The following CCND1 variants were observed in gnomAD, a reference collection of about 807,000 sequenced individuals.
The protein encoded by CCND1 is cyclin D1.
In CCND1, 9 loss-of-function variants were observed where a neutral mutation model predicts 26.1. The ratio of observed to expected loss-of-function variants is 0.35; its 90% CI spans 0.21 to 0.60. The LOEUF (loss-of-function observed/expected upper bound fraction) is 0.60, where lower values mean the gene tolerates loss of function less well. Ranked by LOEUF, CCND1 falls within the 20% of genes least tolerant of loss-of-function variation. CCND1 has a pLI of 0.79. For synonymous variants in CCND1, 194 were observed against 166.1 expected (o/e 1.17, Z -1.29); for missense variants, 335 against 392.9 (o/e 0.85, Z 1.25).
rs1220717747 is a variant in CCND1 at position 69,653,614 on chromosome 11, CG to C, written c.*2333del. The C allele has an allele frequency of 2.1e-6, 1 of 469,876 alleles. No homozygotes were observed. Among genetic ancestry groups the C allele is most frequent in the African/African-American group, 2.0e-5 (1 of 49,436 alleles). 29.1% of individuals were successfully genotyped at this position (469,876 alleles called of 1,614,324 possible). A position where few individuals can be genotyped will look rare whatever the true frequency, so the allele number is the denominator to read the frequency against. Reference sequence around the variant, plus strand: ...CGGGGGCCGGCCCCGAGGCCGCGTGCGTGAGAACCGCGCCGGTGTCCCCAGA... The same window carrying C: ...CGGGGGCCGGCCCCGAGGCCGCGTGCTGAGAACCGCGCCGGTGTCCCCAGA... On this transcript the variant is annotated 3_prime_UTR_variant, in exon 5 of 5. Coordinates refer to ENST00000227507, the MANE Select transcript of CCND1 (RefSeq NM_053056.3).
At position 69,651,326 on chromosome 11, in the gene CCND1, G is replaced by A. The variant is rs1047369285; in HGVS notation, c.*44G>A. On this transcript the variant is annotated 3_prime_UTR_variant, in exon 5 of 5. Transcript: ENST00000227507. ...CGCCACCGCCACCCGCAGCGAGGGCGGAGCCGGCCCCAGGTGCTCCCCTGA... is the reference window on the plus strand; with the variant it reads ...CGCCACCGCCACCCGCAGCGAGGGCAGAGCCGGCCCCAGGTGCTCCCCTGA... 5.8e-5 allele frequency: 82 copies of A among 1,413,268 alleles called. No homozygotes were observed. The highest frequency in any genetic ancestry group is 6.8e-5 in the Non-Finnish European group (73 of 1,078,984). 87.5% of individuals were successfully genotyped at this position (1,413,268 alleles called of 1,614,324 possible). A position where few individuals can be genotyped will look rare whatever the true frequency, so the allele number is the denominator to read the frequency against.
intron 3 of CCND1, 65 bp from the exon 4 acceptor site, chr11:69,647,929 G>A (rs959687406): frequency 1.3e-5 from 20 of 1,583,760 alleles, no homozygotes; most frequent in African/African-American, 2.7e-5. Flanking sequence ...AGGGATGCCC[G>A]GATCACGGGG....
At chr11:69,644,547 C>T (rs576978470) in intron 3 of CCND1, among the ~76,000 whole-genome samples, 4 of 152,290 alleles carry the variant, frequency 2.6e-5, no homozygotes, top group African/African-American at 9.6e-5. Flanking sequence ...CCAGGGGTGC[C>T]GGCAGCCAGC....
At chr11:69,643,635 G>T (rs1035585824) in intron 2 of CCND1, 197 bp from the exon 3 acceptor site, 7 of 535,706 alleles carry the variant, frequency 1.3e-5, no homozygotes, top group Admixed American at 3.6e-5. Context: ...TTTGATCTGG[G>T]ATTGCGTGTT....
intron 2 of CCND1, 53 bp from the exon 3 acceptor site, chr11:69,643,779 G>A (rs935508825): frequency 3.2e-6 from 5 of 1,550,628 alleles, no homozygotes; most frequent in Admixed American, 1.8e-5. Context: ...GCTTCCCCGC[G>A]CCCCCGGGCT....
At chr11:69,641,625 C>T (rs1855701705) in intron 1 of CCND1, 114 bp downstream of exon 1, 2 of 1,047,160 alleles carry the variant, frequency 1.9e-6, no homozygotes, top group Admixed American at 2.0e-5. Flanking sequence ...TGAAGTTTGC[C>T]GTGGTGTTTC....
Position 69,647,955 on chromosome 11 carries a change from C to T in CCND1, c.575-39C>T, listed in dbSNP as rs1396436998. ...GATCACGGGGGCCCTGAGAGGGTCC[C>T]CTGCTCACAGCCTCCTTCCCTCTCT... is the stretch of plus-strand genomic sequence containing the variant. On this transcript the variant is annotated intron_variant, in intron 3 of 4. Transcript: ENST00000227507. 3 of 1,610,492 alleles carry T rather than the reference C, an allele frequency of 1.9e-6. No homozygotes were observed. In the African/African-American group the frequency reaches 4.0e-5, roughly 21 times the overall value.
intron 3 of CCND1, among the ~76,000 whole-genome samples, chr11:69,645,545 G>A (rs1297357867): frequency 6.6e-6 from 1 of 152,198 alleles, no homozygotes; most frequent in Non-Finnish European, 1.5e-5. Flanking sequence ...GTCCACTCCA[G>A]GGTGGGTCCC....
intron 3 of CCND1, among the ~76,000 whole-genome samples, chr11:69,646,592 T>C (rs1047003505): frequency 4.6e-5 from 7 of 152,144 alleles, no homozygotes; most frequent in African/African-American, 1.4e-4. Flanking sequence ...GATGCCACAC[T>C]CATCCCTGCC....
intron 4 of CCND1, 86 bp from the exon 5 acceptor site, chr11:69,651,032 G>A (rs2120118610): frequency 7.5e-7 from 1 of 1,338,944 alleles, no homozygotes; most frequent in Non-Finnish European, 1.0e-6. Context: ...AAGGCTTCCG[G>A]GTCATGGCAC....
At position 69,651,331 on chromosome 11, in the gene CCND1, C is replaced by T. The variant is rs1480409396; in HGVS notation, c.*49C>T. On this transcript the variant is annotated 3_prime_UTR_variant, in exon 5 of 5. Transcript: ENST00000227507. Reference sequence around the variant, plus strand: ...CCGCCACCCGCAGCGAGGGCGGAGCCGGCCCCAGGTGCTCCCCTGACAGTC... The same window carrying T: ...CCGCCACCCGCAGCGAGGGCGGAGCTGGCCCCAGGTGCTCCCCTGACAGTC... 5.0e-6 allele frequency: 7 copies of T among 1,402,576 alleles called. No individual in the cohort carries two copies. The highest frequency in any genetic ancestry group is 3.0e-5 in the African/African-American group (2 of 66,680). The allele number at this position is 1,402,576 out of a possible 1,614,324, so 86.9% of individuals were successfully genotyped here.
In CCND1 at chr11:69,651,478, A is replaced by C; in HGVS notation, c.*196A>C. 2.2e-6 allele frequency: 1 copy of C among 461,532 alleles called. No homozygotes were observed. Among genetic ancestry groups the C allele is most frequent in the East Asian group, 3.5e-5 (1 of 28,352 alleles). The allele number at this position is 461,532 out of a possible 1,614,324, so 28.6% of individuals were successfully genotyped here. On this transcript the variant is annotated 3_prime_UTR_variant, in exon 5 of 5. Coordinates refer to ENST00000227507, the MANE Select transcript of CCND1 (RefSeq NM_053056.3). ...CTTAAGCAAAAGAAAAAGATTACCC[A>C]AAAACTGTCTTTAAAAGAGAGAGAG...
chr11:69,645,089 G>A (rs536318248), intron 3 of CCND1, among the ~76,000 whole-genome samples: 1 of 152,238 alleles, frequency 6.6e-6, no homozygotes, highest in South Asian at 2.1e-4. Flanking sequence ...CCTGCTTGGG[G>A]CATGAACCCC....
At chr11:69,649,987 G>A (rs1855834651) in intron 4 of CCND1, among the ~76,000 whole-genome samples, 1 of 152,226 alleles carries the variant, frequency 6.6e-6, no homozygotes, top group Non-Finnish European at 1.5e-5. Context: ...GGCGGGAGAG[G>A]AAAGCCCTCC....
In CCND1 at chr11:69,643,196, G is replaced by A. The variant is rs768334579; in HGVS notation, c.364G>A (p.Glu122Lys). ...GAAGGAGACCATCCCCCTGACGGCC[G>A]AGAAGCTGTGCATCTACACCGACAA... ...KMKETIPLTA[E>K]KLCIYTDNSI... is the part of the protein sequence containing the mutation. Residue 122 changes from glutamate (E) to lysine (K), a missense_variant, in exon 2 of 5, where the codon GAG becomes AAG. Transcript: ENST00000227507. 3.1e-6 allele frequency: 5 copies of A among 1,604,590 alleles called. No individual in the cohort carries two copies. The South Asian group carries it at 3.3e-5, about 11-fold the overall frequency.
Position 69,641,161 on chromosome 11 carries a change from G to T in CCND1, c.-153G>T. The T allele has an allele frequency of 2.8e-6, 2 of 720,010 alleles. No individual in the cohort carries two copies. The highest frequency in any genetic ancestry group is 2.4e-6 in the Non-Finnish European group (1 of 418,368). The allele number at this position is 720,010 out of a possible 1,614,324, so 44.6% of individuals were successfully genotyped here. ...TGCAAAGTCCTGGAGCCTCCAGAGG[G>T]CTGTCGGCGCAGTAGCAGCGAGCAG... On this transcript the variant is annotated 5_prime_UTR_variant, in exon 1 of 5. Coordinates refer to ENST00000227507, the MANE Select transcript of CCND1 (RefSeq NM_053056.3).
intron 3 of CCND1, 38 bp from the exon 4 acceptor site, chr11:69,647,956 C>T (rs922069171): frequency 6.2e-7 from 1 of 1,610,806 alleles, no homozygotes; most frequent in Non-Finnish European, 8.5e-7. Flanking sequence ...AGAGGGTCCC[C>T]TGCTCACAGC....
At chr11:69,641,933 C>T (rs964090371) in intron 1 of CCND1, among the ~76,000 whole-genome samples, 1 of 151,326 alleles carries the variant, frequency 6.6e-6, no homozygotes, top group African/African-American at 2.4e-5. Context: ...TCCATGGACA[C>T]GTATGCAAGG....
Position 69,651,851 on chromosome 11 carries a change from C to T in CCND1, c.*569C>T, listed in dbSNP as rs1228503339. On this transcript the variant is annotated 3_prime_UTR_variant, in exon 5 of 5. Transcript: ENST00000227507. ...TAGGCATCTCTGTACTTTGCTTGCT[C>T]ATATGCATGTAGTCACTTTATAAGT... 6 of 233,124 alleles carry T rather than the reference C, an allele frequency of 2.6e-5. No homozygotes were observed. Among genetic ancestry groups the T allele is most frequent in the African/African-American group, 4.4e-5 (2 of 45,338 alleles). 14.4% of individuals were successfully genotyped at this position (233,124 alleles called of 1,614,324 possible).
Sources: gnomAD v4.1 joint callset for allele counts (sites outside exome capture counted in the v4.1 genomes callset) on GRCh38, gnomAD v4.1.1 for gene constraint, MANE v1.5 for transcripts, NCBI Gene and HGNC (gene_info 2026-07-23, HGNC 2026-07-21) for gene names.